BAZ2B: variants seen among roughly 807,000 people sequenced by gnomAD.
The protein encoded by BAZ2B is bromodomain adjacent to zinc finger domain 2B, also known as bromodomain adjacent to zinc finger domain protein 2B.
BAZ2B carries 91 observed loss-of-function variants against 246.0 expected under a neutral mutation model. The ratio of observed to expected loss-of-function variants is 0.37; its 90% CI spans 0.31 to 0.44. The LOEUF is 0.44. Ranked by LOEUF, BAZ2B falls within the 20% of genes least tolerant of loss-of-function variation. The pLI is 1.00. For missense variants in BAZ2B, 2,332 were observed against 2,533.7 expected (o/e 0.92, Z 1.71); for synonymous variants, 855 against 860.0 (o/e 0.99, Z 0.10).
At chr2:159,454,075 TTGTC>T (rs745764845) in intron 3 of BAZ2B, among the ~76,000 whole-genome samples, 65 of 152,138 alleles carry the variant, frequency 4.3e-4, no homozygotes, top group Non-Finnish European at 7.9e-4. Flanking sequence ...CTAATTAAAA[TTGTC>T]TGACCTGAGG....
At chr2:159,650,418 T>G in the BAZ2B span, among the ~76,000 whole-genome samples, 2 of 152,164 alleles carry the variant, frequency 1.3e-5, no homozygotes, top group Admixed American at 6.6e-5. Flanking sequence ...AGTTTAGGGC[T>G]AAGGATTCCA....
At chr2:159,634,398 G>A in the BAZ2B span, among the ~76,000 whole-genome samples, 250 of 152,224 alleles carry the variant, frequency 1.6e-3, 1 homozygote, top group Middle Eastern at 3.4e-3. Flanking sequence ...TACATGAACC[G>A]CATGTAGATC....
chr2:159,687,869 G>A, the BAZ2B span, among the ~76,000 whole-genome samples: 2 of 152,058 alleles, frequency 1.3e-5, no homozygotes, highest in Non-Finnish European at 2.9e-5. Flanking sequence ...AACTCTAGGT[G>A]GATAGCATCA....
intron 13 of BAZ2B, among the ~76,000 whole-genome samples, chr2:159,419,203 C>A (rs570795571): frequency 6.6e-6 from 1 of 152,050 alleles, no homozygotes; most frequent in Non-Finnish European, 1.5e-5. Context: ...CTCTTATATG[C>A]ATTTACATTA....
chr2:159,605,308 T>C (rs1693211420), intron 1 of BAZ2B, among the ~76,000 whole-genome samples: 1 of 152,168 alleles, frequency 6.6e-6, no homozygotes, highest in Non-Finnish European at 1.5e-5. Flanking sequence ...AGTGCTGGGA[T>C]TACAGGTGTG....
At chr2:159,572,890 T>C (rs1174976198) in intron 1 of BAZ2B, among the ~76,000 whole-genome samples, 3 of 152,206 alleles carry the variant, frequency 2.0e-5, no homozygotes, top group African/African-American at 7.2e-5. Flanking sequence ...ATATTATTTA[T>C]CCTAAGCAAC....
downstream of BAZ2B, among the ~76,000 whole-genome samples, chr2:159,317,658 C>G (rs989289523): frequency 4.6e-5 from 7 of 151,922 alleles, no homozygotes; most frequent in Non-Finnish European, 1.0e-4. Flanking sequence ...GATTTTAGGA[C>G]TAAAATGAGG....
At chr2:159,535,452 G>A (rs1173299124) in intron 2 of BAZ2B, among the ~76,000 whole-genome samples, 1 of 152,214 alleles carries the variant, frequency 6.6e-6, no homozygotes, top group Non-Finnish European at 1.5e-5. Flanking sequence ...AACTCGGCAG[G>A]TGGAGGTTGC....
At chr2:159,669,342 G>A in the BAZ2B span, among the ~76,000 whole-genome samples, 1 of 152,050 alleles carries the variant, frequency 6.6e-6, no homozygotes, top group East Asian at 1.9e-4. Context: ...TTGTTGTTTT[G>A]TTTTATTGTC....
intron 2 of BAZ2B, among the ~76,000 whole-genome samples, chr2:159,537,183 C>T (rs2086105749): frequency 6.6e-6 from 1 of 152,184 alleles, no homozygotes; most frequent in Admixed American, 6.5e-5. Context: ...TATGATCTCA[C>T]ATATACGAGG....
chr2:159,398,013 A>G (rs774424940), intron 18 of BAZ2B, among the ~76,000 whole-genome samples: 4 of 152,234 alleles, frequency 2.6e-5, no homozygotes, highest in Non-Finnish European at 5.9e-5. Flanking sequence ...CAGTATTTCT[A>G]TGAAGTTACA....
chr2:159,497,656 A>G (rs1164479020), intron 2 of BAZ2B, among the ~76,000 whole-genome samples: 1 of 152,222 alleles, frequency 6.6e-6, no homozygotes, highest in African/African-American at 2.4e-5. Flanking sequence ...GAGATCCTTA[A>G]GGCTGGGGGC....
intron 2 of BAZ2B, among the ~76,000 whole-genome samples, chr2:159,498,106 G>A (rs1363749995): frequency 6.6e-6 from 1 of 152,160 alleles, no homozygotes; most frequent in Admixed American, 6.5e-5. Flanking sequence ...TATGTCTGTT[G>A]AGCTTTGGTT....
chr2:159,481,261 T>C (rs2150952806), intron 2 of BAZ2B, among the ~76,000 whole-genome samples: 1 of 152,098 alleles, frequency 6.6e-6, no homozygotes, highest in Middle Eastern at 3.4e-3. Flanking sequence ...AGTTAAAAGG[T>C]GAGAAGGCAA....
At chr2:159,493,570 T>C (rs1413511771) in intron 2 of BAZ2B, among the ~76,000 whole-genome samples, 1 of 152,250 alleles carries the variant, frequency 6.6e-6, no homozygotes, top group Non-Finnish European at 1.5e-5. Context: ...TAATATCATG[T>C]TACCATGTTT....
chr2:159,335,322 G>A (rs557825702), intron 33 of BAZ2B, among the ~76,000 whole-genome samples: 7 of 152,168 alleles, frequency 4.6e-5, no homozygotes, highest in South Asian at 4.2e-4. Context: ...CAAGGCAGGC[G>A]GATCATTTGA....
chr2:159,343,989 G>A (rs1365920680), intron 31 of BAZ2B, among the ~76,000 whole-genome samples: 1 of 138,246 alleles, frequency 7.2e-6, no homozygotes, highest in East Asian at 2.1e-4. Flanking sequence ...TCACGCCACT[G>A]CACTGCAGAG....
At chr2:159,541,277 A>G (rs2086630674) in intron 2 of BAZ2B, among the ~76,000 whole-genome samples, 1 of 151,024 alleles carries the variant, frequency 6.6e-6, no homozygotes, top group African/African-American at 2.4e-5. Context: ...TATTATTATT[A>G]TTATTATTAT....
At chr2:159,516,641 T>C (rs947826260) in intron 2 of BAZ2B, 4 of 152,576 alleles carry the variant, frequency 2.6e-5, no homozygotes, top group Non-Finnish European at 5.9e-5. Flanking sequence ...AGTTTACACA[T>C]CTTGATTTCC....
Sources: gnomAD v4.1 joint callset for allele counts (sites outside exome capture counted in the v4.1 genomes callset) on GRCh38, gnomAD v4.1.1 for gene constraint, MANE v1.5 for transcripts, NCBI Gene and HGNC (gene_info 2026-07-23, HGNC 2026-07-21) for gene names.